ZNF493: variants seen among roughly 807,000 people sequenced by gnomAD.
ZNF493 encodes zinc finger protein 493.
Under a neutral mutation model 12.2 loss-of-function variants are expected in ZNF493, and 11 were observed. The ratio of observed to expected loss-of-function variants is 0.90; its 90% CI spans 0.57 to 1.50. The LOEUF is 1.50. Among genes scored for constraint, ZNF493 ranks in the 40% most tolerant of loss-of-function variants. The pLI, the probability that ZNF493 is intolerant of heterozygous loss-of-function variation, is 0.00. For missense variants in ZNF493, 950 were observed against 906.6 expected, an observed-to-expected ratio of 1.05 and a Z score of -0.61; for synonymous variants, 286 against 302.6, an observed-to-expected ratio of 0.95 and a Z score of 0.57.
chr19:21,415,409 C>T (rs2030457299), intron 3 of ZNF493, among the ~76,000 whole-genome samples: 1 of 152,098 alleles, frequency 6.6e-6, no homozygotes, highest in African/African-American at 2.4e-5. Context: ...TTTTGAAAGT[C>T]ATTTAATGTT....
chr19:21,413,708 T>C (rs958789945), intron 3 of ZNF493: 33 of 382,036 alleles, frequency 8.6e-5, no homozygotes, highest in Non-Finnish European at 1.1e-4. Context: ...ACAAGCATAA[T>C]CTCTACCCCA....
Position 21,405,274 on chromosome 19 carries a change from C to G in ZNF493, c.157+19C>G, listed in dbSNP as rs1264034081. ...TTCTTGGGTGAGAATAACTTTAATA[C>G]AAAATCCCTTATATACCCTAAAGTT... On this transcript the variant is annotated intron_variant, in intron 2 of 3. Coordinates refer to ENST00000392288, the MANE Select transcript of ZNF493 (RefSeq NM_001076678.3). 6.2e-7 allele frequency: 1 copy of G among 1,608,162 alleles called. No homozygotes were observed. The highest frequency in any genetic ancestry group is 8.5e-7 in the Non-Finnish European group (1 of 1,178,554).
At chr19:21,417,106 G>C (rs1355325212) in intron 3 of ZNF493, among the ~76,000 whole-genome samples, 1 of 152,130 alleles carries the variant, frequency 6.6e-6, no homozygotes, top group Non-Finnish European at 1.5e-5. Flanking sequence ...CCCAAAATCA[G>C]GTTCCCATCT....
Position 21,425,261 on chromosome 19 carries a change from G to T in ZNF493, c.*277G>T. The stretch of plus-strand genomic sequence containing the variant: ...AACATAAGAGAATTCATACCATAGA[G>T]AAATCCTACAAATATGAAGAATGTG... On this transcript the variant is annotated 3_prime_UTR_variant, in exon 4 of 4. Coordinates refer to ENST00000392288, the MANE Select transcript of ZNF493 (RefSeq NM_001076678.3). The T allele has an allele frequency of 4.1e-6, 2 of 490,508 alleles. No individual in the cohort carries two copies. The highest frequency in any genetic ancestry group is 6.6e-5 in the Admixed American group (2 of 30,510). 30.4% of individuals were successfully genotyped at this position (490,508 alleles called of 1,614,324 possible).
chr19:21,398,597 AT>A, intron 1 of ZNF493: 1 of 442,680 alleles, frequency 2.3e-6, no homozygotes, highest in South Asian at 1.7e-5. Context: ...CTTCTGGTTT[AT>A]TTTCTCCCAT....
intron 1 of ZNF493, 39 bp downstream of exon 1, chr19:21,397,306 G>A (rs1345786467): frequency 3.7e-6 from 6 of 1,613,816 alleles, no homozygotes; most frequent in Admixed American, 3.3e-5. Flanking sequence ...AGAGGGGAAG[G>A]AGTTGCTCGG....
In ZNF493 at chr19:21,397,212, A is replaced by C; in HGVS notation, c.-26A>C. 1 of 1,614,154 alleles carries C rather than the reference A, an allele frequency of 6.2e-7. No individual in the cohort carries two copies. Among genetic ancestry groups the C allele is most frequent in the Non-Finnish European group, 8.5e-7 (1 of 1,179,988 alleles). On this transcript the variant is annotated 5_prime_UTR_variant, in exon 1 of 4. Transcript: ENST00000392288. ...TCAGCGTGTGTGGCTTCGTGACCTG[A>C]AGATACTGGGAAATCCATAGCTAAG...
At chr19:21,405,582 A>C (rs2030094590) in intron 2 of ZNF493, 179 bp from the exon 3 acceptor site, 2 of 1,148,066 alleles carry the variant, frequency 1.7e-6, no homozygotes, top group East Asian at 5.9e-5. Flanking sequence ...CTGGGTGGCA[A>C]AATTAAGCAC....
rs1568382410 is a variant in ZNF493 at position 21,420,590 on chromosome 19, A to AC, written c.254-2323_254-2322insC. On this transcript the variant is annotated intron_variant, in intron 3 of 3. Transcript: ENST00000392288. ...TTTGTGATGGTATTATACTCACTTG[A>AC]TTATATATATATATATATATATATA... 3.2e-3 allele frequency among the ~76,000 whole-genome samples: 81 copies of AC among 25,184 alleles called. 1 individual carries two copies. Among genetic ancestry groups the AC allele is most frequent in the African/African-American group, 0.017 (78 of 4,466 alleles). The allele number at this position is 25,184 out of a possible 152,430, so 16.5% of individuals were successfully genotyped here. A position where few individuals can be genotyped will look rare whatever the true frequency, so the allele number is the denominator to read the frequency against.
chr19:21,405,691 T>C, intron 2 of ZNF493, 70 bp from the exon 3 acceptor site: 1 of 1,302,998 alleles, frequency 7.7e-7, no homozygotes, highest in Non-Finnish European at 1.1e-6. Flanking sequence ...TCCTCTTTAC[T>C]AAGCATGGTA....
In ZNF493 at chr19:21,425,360, T is replaced by G. The variant is rs1599383562; in HGVS notation, c.*376T>G. ...ATACTGGAAGGAAACCCTACAAATA[T>G]GAGGAATGTCTCAAAGCTTTTTACT... On this transcript the variant is annotated 3_prime_UTR_variant, in exon 4 of 4. Transcript: ENST00000392288. 2.4e-6 allele frequency: 1 copy of G among 413,708 alleles called. No individual in the cohort carries two copies. Among genetic ancestry groups the G allele is most frequent in the East Asian group, 5.1e-5 (1 of 19,502 alleles). The allele number at this position is 413,708 out of a possible 1,614,324, so 25.6% of individuals were successfully genotyped here.
chr19:21,425,292 GCTTTTAACCA>G lies in ZNF493; in HGVS notation c.*312_*321del. The G allele has an allele frequency of 2.2e-6, 1 of 457,784 alleles. No homozygotes were observed. The highest frequency in any genetic ancestry group is 2.3e-5 in the South Asian group (1 of 44,382). 28.4% of individuals were successfully genotyped at this position (457,784 alleles called of 1,614,324 possible). A position where few individuals can be genotyped will look rare whatever the true frequency, so the allele number is the denominator to read the frequency against. ...CTACAAATATGAAGAATGTGACAAA[GCTTTTAACCA>G]CTTCTCAACCCTGCCTACACGTAAG... On this transcript the variant is annotated 3_prime_UTR_variant, in exon 4 of 4. Transcript: ENST00000392288.
rs534238001 is a variant in ZNF493, at chr19:21,426,472, C to T, written c.*1488C>T. 10 of 167,626 alleles carry T rather than the reference C, an allele frequency of 6.0e-5. No individual in the cohort carries two copies. Among genetic ancestry groups the T allele is most frequent in the South Asian group, 4.1e-4 (2 of 4,846 alleles). The allele number at this position is 167,626 out of a possible 1,614,324, so 10.4% of individuals were successfully genotyped here. On this transcript the variant is annotated 3_prime_UTR_variant, in exon 4 of 4. Transcript: ENST00000392288. ...AAAAGATCTTTCAGAAAATATTATC[C>T]TTTAAAGTGAAGGAGAGTATTTATA...
chr19:21,424,959 A>G lies in ZNF493; in HGVS notation c.2300A>G (p.His767Arg), dbSNP rs1481712657. ...SRHKIIHIGI[H>R]TEETVQK is the part of the protein sequence containing the mutation. ...CATAAGATAATTCATATTGGAATTCATACTGAAGAGACTGTACAAAAGTGA... is the reference window on the plus strand; with the variant it reads ...CATAAGATAATTCATATTGGAATTCGTACTGAAGAGACTGTACAAAAGTGA... Residue 767 changes from histidine (H) to arginine (R), a missense_variant, in exon 4 of 4, where the codon CAT becomes CGT. Transcript: ENST00000392288. 1 of 1,598,564 alleles carries G rather than the reference A, an allele frequency of 6.3e-7. No individual in the cohort carries two copies. Among genetic ancestry groups the G allele is most frequent in the South Asian group, 1.1e-5 (1 of 88,568 alleles).
chr19:21,415,990 T>C (rs1165186093), intron 3 of ZNF493, among the ~76,000 whole-genome samples: 3 of 152,244 alleles, frequency 2.0e-5, no homozygotes, highest in Non-Finnish European at 4.4e-5. Context: ...TTCTTAATTA[T>C]GAAAACTGGA....
At chr19:21,411,815 G>A (rs912617309) in intron 3 of ZNF493, 1 of 149,498 alleles carries the variant, frequency 6.7e-6, no homozygotes, top group African/African-American at 2.5e-5. Flanking sequence ...CCAAGCAAGA[G>A]TACAGTGGCT....
intron 1 of ZNF493, among the ~76,000 whole-genome samples, chr19:21,400,139 C>T (rs1039835313): frequency 2.0e-5 from 3 of 152,046 alleles, no homozygotes; most frequent in Admixed American, 6.6e-5. Flanking sequence ...TGGCCGGGCG[C>T]GGTGGCTCAT....
intron 3 of ZNF493, among the ~76,000 whole-genome samples, chr19:21,406,324 C>A (rs6511239): frequency 6.6e-6 from 1 of 151,722 alleles, no homozygotes; most frequent in Admixed American, 6.6e-5. Context: ...AAGAGTTTCT[C>A]GGAAGCCTTT....
rs139575066 is a variant in ZNF493, at chr19:21,425,827, A to G, written c.*843A>G. 4.8e-5 allele frequency: 27 copies of G among 560,856 alleles called. No homozygotes were observed. The highest frequency in any genetic ancestry group is 8.7e-5 in the Non-Finnish European group (25 of 286,568). 34.7% of individuals were successfully genotyped at this position (560,856 alleles called of 1,614,324 possible). A position where few individuals can be genotyped will look rare whatever the true frequency, so the allele number is the denominator to read the frequency against. On this transcript the variant is annotated 3_prime_UTR_variant, in exon 4 of 4. Transcript: ENST00000392288. ...ATCCAGTCCTCAACTCCTAGTAAAC[A>G]TAATTAATGATGGAGAGAAACCATA...
Sources: allele counts gnomAD v4.1 joint callset (sites outside exome capture counted in the v4.1 genomes callset), GRCh38; gene constraint gnomAD v4.1.1; transcripts MANE v1.5; gene names NCBI Gene and HGNC (gene_info 2026-07-23, HGNC 2026-07-21).